The following SELENOF variants were observed in gnomAD, a reference collection of about 807,000 sequenced individuals.
SELENOF encodes the protein selenoprotein F.
A neutral mutation model predicts 20.5 loss-of-function variants in SELENOF; 16 were observed. The ratio of observed to expected loss-of-function variants is 0.78; its 90% CI spans 0.53 to 1.19. The LOEUF (loss-of-function observed/expected upper bound fraction) is 1.19. Among genes scored for constraint, SELENOF ranks in the 50% most tolerant of loss-of-function variants. The pLI is 0.00. For synonymous variants in SELENOF, 78 were observed against 74.5 expected (o/e 1.05, Z -0.24); for missense variants, 215 against 194.2 (o/e 1.11, Z -0.64).
At chr1:86,890,153 T>C (rs1263170796) in intron 2 of SELENOF, among the ~76,000 whole-genome samples, 1 of 152,218 alleles carries the variant, frequency 6.6e-6, no homozygotes, top group Non-Finnish European at 1.5e-5. Flanking sequence ...AACCCAGCTA[T>C]CTGATTTATC....
chr1:86,898,580 CTTTTT>C (rs747362493), intron 2 of SELENOF, among the ~76,000 whole-genome samples: 2 of 124,996 alleles, frequency 1.6e-5, no homozygotes, highest in African/African-American at 6.5e-5. Context: ...TTCTCTTCTT[CTTTTT>C]TTTTTTTTTT....
chr1:86,914,437 T>C (rs1284561025), upstream of SELENOF: 3 of 399,550 alleles, frequency 7.5e-6, no homozygotes, highest in East Asian at 1.5e-4. Flanking sequence ...GTTTACCCAA[T>C]TGAATGTCGT....
chr1:86,897,518 G>A (rs998794910), intron 2 of SELENOF, among the ~76,000 whole-genome samples: 1 of 152,094 alleles, frequency 6.6e-6, no homozygotes, highest in South Asian at 2.1e-4. Flanking sequence ...AGTAGAAGTG[G>A]TTTACTCTAG....
At chr1:86,910,457 G>GC (rs1159009092) in intron 1 of SELENOF, among the ~76,000 whole-genome samples, 1 of 152,192 alleles carries the variant, frequency 6.6e-6, no homozygotes, top group African/African-American at 2.4e-5. Context: ...TGTAATCCCA[G>GC]CACTTTGGGA....
chr1:86,913,535 T>G (rs534529944), intron 1 of SELENOF, among the ~76,000 whole-genome samples: 1 of 152,166 alleles, frequency 6.6e-6, no homozygotes, highest in Non-Finnish European at 1.5e-5. Context: ...CAGCCGTATA[T>G]GAATAGCAGA....
Position 86,866,230 on chromosome 1 carries a change from C to CTGTGTGTGTGTGTGTG in SELENOF, c.366+1807_366+1822dup, listed in dbSNP as rs60714256. Reference sequence around the variant, plus strand: ...AAAAAAAAAAAAAAAGTGTGTGTCTCTGTGTGTGTGTGTGTGTGTGTGTGT... The same window carrying CTGTGTGTGTGTGTGTG: ...AAAAAAAAAAAAAAAGTGTGTGTCTCTGTGTGTGTGTGTGTGTGTGTGTGTGTGTGTGTGTGTGTGT... On this transcript the variant is annotated intron_variant, in intron 4 of 4. Coordinates refer to ENST00000331835, the MANE Select transcript of SELENOF (RefSeq NM_004261.5). 3.2e-3 allele frequency among the ~76,000 whole-genome samples: 361 copies of CTGTGTGTGTGTGTGTG among 113,664 alleles called. 5 individuals are homozygous for CTGTGTGTGTGTGTGTG. The highest frequency in any genetic ancestry group is 0.013 in the East Asian group (48 of 3,600). 74.6% of individuals were successfully genotyped at this position (113,664 alleles called of 152,430 possible).
intron 1 of SELENOF, among the ~76,000 whole-genome samples, chr1:86,911,004 T>C (rs1171380878): frequency 6.6e-6 from 1 of 152,212 alleles, no homozygotes; most frequent in Non-Finnish European, 1.5e-5. Context: ...ATACATCAAG[T>C]ATAGTACTAC....
chr1:86,900,686 G>A (rs971674803), intron 2 of SELENOF, among the ~76,000 whole-genome samples: 4 of 151,930 alleles, frequency 2.6e-5, no homozygotes, highest in Non-Finnish European at 5.9e-5. Flanking sequence ...AGACGGAGAC[G>A]GAGACCGTGG....
At chr1:86,868,855 CCAT>C (rs1450005730) in intron 3 of SELENOF, among the ~76,000 whole-genome samples, 1 of 151,898 alleles carries the variant, frequency 6.6e-6, no homozygotes, top group Admixed American at 6.6e-5. Flanking sequence ...CAAAACACCA[CCAT>C]AAGCAAATTA....
At chr1:86,895,660 A>C (rs1358417326) in intron 2 of SELENOF, among the ~76,000 whole-genome samples, 1 of 152,206 alleles carries the variant, frequency 6.6e-6, no homozygotes. Context: ...CTTTGTTTTT[A>C]ATCAAAACTG....
chr1:86,910,258 A>T (rs1659945238), intron 1 of SELENOF, among the ~76,000 whole-genome samples: 1 of 152,182 alleles, frequency 6.6e-6, no homozygotes, highest in South Asian at 2.1e-4. Flanking sequence ...TTGAGAGAAA[A>T]AGGCTGTGTA....
chr1:86,879,011 T>C (rs1658993882), intron 3 of SELENOF, among the ~76,000 whole-genome samples: 1 of 152,134 alleles, frequency 6.6e-6, no homozygotes, highest in Admixed American at 6.5e-5. Context: ...ATGATATATA[T>C]ACCCAAGGTT....
chr1:86,891,384 A>C lies in SELENOF; in HGVS notation c.253-10659T>G, dbSNP rs532807050. On this transcript the variant is annotated intron_variant, in intron 2 of 4. Transcript: ENST00000331835. ...TTTTTTCTACTCCTTGAAGACAAGG[A>C]GTCTTATTTTTCTTTGATCTTAACC... Among the ~76,000 whole-genome samples, 5 of 152,226 alleles carry C rather than the reference A, an allele frequency of 3.3e-5. No homozygotes were observed. In the South Asian group the frequency reaches 1.0e-3, roughly 32 times the overall value.
chr1:86,884,821 A>G (rs978082446), intron 2 of SELENOF, among the ~76,000 whole-genome samples: 2 of 152,178 alleles, frequency 1.3e-5, no homozygotes, highest in Non-Finnish European at 2.9e-5. Context: ...AGACAATCTA[A>G]CTCTAGCCCA....
intron 2 of SELENOF, among the ~76,000 whole-genome samples, chr1:86,901,284 A>G (rs1318470744): frequency 6.6e-6 from 1 of 152,222 alleles, no homozygotes; most frequent in Non-Finnish European, 1.5e-5. Context: ...ACAATATTGC[A>G]TAGATTAAAT....
chr1:86,913,603 A>C lies in SELENOF; in HGVS notation c.84+425T>G, dbSNP rs541669977. ...GTGAAAATGAGAGAGCACGCGCGCG[A>C]GAGAGGTAAACACAAACTGTTCGCC... On this transcript the variant is annotated intron_variant, in intron 1 of 4. Coordinates refer to ENST00000331835, the MANE Select transcript of SELENOF (RefSeq NM_004261.5). Among the ~76,000 whole-genome samples the C allele has an allele frequency of 1.2e-4, 19 of 152,324 alleles. No individual in the cohort carries two copies. The South Asian group carries it at 3.7e-3, about 30-fold the overall frequency.
At chr1:86,888,988 C>T (rs972089929) in intron 2 of SELENOF, among the ~76,000 whole-genome samples, 13 of 152,096 alleles carry the variant, frequency 8.5e-5, no homozygotes, top group Non-Finnish European at 1.2e-4. Flanking sequence ...CAATAAGAAA[C>T]AAAGCTACTA....
intron 3 of SELENOF, among the ~76,000 whole-genome samples, chr1:86,877,516 C>T (rs928430865): frequency 1.3e-5 from 2 of 152,070 alleles, no homozygotes; most frequent in African/African-American, 2.4e-5. Context: ...GGATAGGACC[C>T]AAATATAAAC....
chr1:86,877,131 T>C (rs563758751), intron 3 of SELENOF, among the ~76,000 whole-genome samples: 1 of 152,340 alleles, frequency 6.6e-6, no homozygotes, highest in Admixed American at 6.5e-5. Context: ...GTGATTGTCA[T>C]ACAGTAAGCA....
Sources: allele counts gnomAD v4.1 joint callset (sites outside exome capture counted in the v4.1 genomes callset), GRCh38; gene constraint gnomAD v4.1.1; transcripts MANE v1.5; gene names NCBI Gene and HGNC (gene_info 2026-07-23, HGNC 2026-07-21).